Variants in MCTP1 observed in about 807,000 individuals in gnomAD.
MCTP1 encodes the protein multiple C2 and transmembrane domain-containing protein 1.
MCTP1 carries 69 observed loss-of-function variants against 120.6 expected under a neutral mutation model. The observed-to-expected ratio is 0.57, with a 90% CI of 0.47 to 0.70. The LOEUF (loss-of-function observed/expected upper bound fraction) is 0.70, where lower values mean the gene tolerates loss of function less well. MCTP1 is among the 30% of genes least tolerant of loss of function. The pLI is 0.00. For missense variants in MCTP1, 1,203 were observed against 1,248.8 expected (o/e 0.96, Z 0.55); for synonymous variants, 529 against 493.1 (o/e 1.07, Z -0.96).
chr5:94,962,380 A>G (rs1346803430), intron 2 of MCTP1, among the ~76,000 whole-genome samples: 1 of 151,748 alleles, frequency 6.6e-6, no homozygotes, highest in African/African-American at 2.4e-5. Flanking sequence ...TATCGCAGAA[A>G]TGTGGAACCA....
intron 1 of MCTP1, among the ~76,000 whole-genome samples, chr5:95,175,624 A>G (rs1309373447): frequency 6.6e-6 from 1 of 152,226 alleles, no homozygotes; most frequent in Non-Finnish European, 1.5e-5. Flanking sequence ...AAAGCATTCT[A>G]AAGGATGGCT....
chr5:95,083,865 G>A lies in MCTP1; in HGVS notation c.721-66381C>T, dbSNP rs140128347. Reference sequence around the variant, plus strand: ...GTAAGGAACCATAAACGGTGGAAGCGTTAAATAAATAATGGGTTAATCATA... The same window carrying A: ...GTAAGGAACCATAAACGGTGGAAGCATTAAATAAATAATGGGTTAATCATA... On this transcript the variant is annotated intron_variant, in intron 1 of 22. Coordinates refer to ENST00000515393, the MANE Select transcript of MCTP1 (RefSeq NM_024717.7). Among the ~76,000 whole-genome samples, 638 of 152,128 alleles carry A rather than the reference G, an allele frequency of 4.2e-3. 8 individuals are homozygous for A. The highest frequency in any genetic ancestry group is 0.015 in the African/African-American group (607 of 41,494).
At chr5:94,729,889 A>C (rs556227707) in intron 19 of MCTP1, among the ~76,000 whole-genome samples, 15 of 152,334 alleles carry the variant, frequency 9.8e-5, no homozygotes, top group African/African-American at 3.6e-4. Context: ...AGAACATTAC[A>C]TTTTGTTTAC....
At chr5:94,963,465 A>C in intron 2 of MCTP1, among the ~76,000 whole-genome samples, 1 of 135,122 alleles carries the variant, frequency 7.4e-6, no homozygotes. Flanking sequence ...CCTGTCCAAC[A>C]CTTGTTTTCT....
At chr5:95,095,214 G>A (rs1236959786) in intron 1 of MCTP1, among the ~76,000 whole-genome samples, 2 of 150,774 alleles carry the variant, frequency 1.3e-5, no homozygotes, top group African/African-American at 2.4e-5. Flanking sequence ...TAGTAGAGAC[G>A]GGGTTTCACC....
chr5:95,186,034 T>C (rs1245624971), intron 1 of MCTP1, among the ~76,000 whole-genome samples: 2 of 151,690 alleles, frequency 1.3e-5, no homozygotes, highest in African/African-American at 2.4e-5. Context: ...GAGGCAGAGG[T>C]TGCAGTGAGC....
intron 3 of MCTP1, among the ~76,000 whole-genome samples, chr5:94,944,090 AAATTT>A (rs1418657003): frequency 2.0e-5 from 3 of 152,096 alleles, no homozygotes; most frequent in African/African-American, 7.2e-5. Flanking sequence ...CAATTTAAGA[AAATTT>A]AATATGTAAA....
Position 95,284,610 on chromosome 5 carries a change from C to T in MCTP1, c.-35G>A. On this transcript the variant is annotated 5_prime_UTR_variant, in exon 1 of 23. Coordinates refer to ENST00000515393, the MANE Select transcript of MCTP1 (RefSeq NM_024717.7). The surrounding 1 kb of genome is among the most constrained non-coding windows in gnomAD (Gnocchi z 5.2). ...CCTGCTCCTCCTCTCCCCTCCTCCTCCTCCTCCTCCTCCTGCTTCTCCTCC... is the reference window on the plus strand; with the variant it reads ...CCTGCTCCTCCTCTCCCCTCCTCCTTCTCCTCCTCCTCCTGCTTCTCCTCC... 3 of 1,354,244 alleles carry T rather than the reference C, an allele frequency of 2.2e-6. No individual in the cohort carries two copies. Among genetic ancestry groups the T allele is most frequent in the Non-Finnish European group, 9.5e-7 (1 of 1,047,966 alleles). The allele number at this position is 1,354,244 out of a possible 1,614,324, so 83.9% of individuals were successfully genotyped here. A position where few individuals can be genotyped will look rare whatever the true frequency, so the allele number is the denominator to read the frequency against.
At chr5:94,932,964 A>T (rs1340792417) in intron 5 of MCTP1, among the ~76,000 whole-genome samples, 1 of 151,998 alleles carries the variant, frequency 6.6e-6, no homozygotes, top group African/African-American at 2.4e-5. Flanking sequence ...AAAGATTTTT[A>T]ATATAAGATG....
At chr5:95,133,172 G>T (rs996808739) in intron 1 of MCTP1, among the ~76,000 whole-genome samples, 7 of 152,084 alleles carry the variant, frequency 4.6e-5, no homozygotes, top group African/African-American at 1.7e-4. Context: ...AAAAATATTG[G>T]TATAACTTTT....
At chr5:95,147,280 G>T (rs1190452142) in intron 1 of MCTP1, among the ~76,000 whole-genome samples, 2 of 151,986 alleles carry the variant, frequency 1.3e-5, no homozygotes, top group Non-Finnish European at 2.9e-5. Context: ...TAGAGACAGG[G>T]TTTCACTGTG....
Position 94,884,249 on chromosome 5 carries a change from C to T in MCTP1, c.1933+4630G>A, listed in dbSNP as rs17084199. Among the ~76,000 whole-genome samples, 638 of 152,242 alleles carry T rather than the reference C, an allele frequency of 4.2e-3. 16 individuals carry two copies. Among genetic ancestry groups the T allele is most frequent in the Admixed American group, 0.033 (511 of 15,292 alleles). ...TTTGCTTCTTAGCTGATATTTACCA[C>T]GCAATTCTGTGAGAAAGTAGAGGCC... On this transcript the variant is annotated intron_variant, in intron 12 of 22. Coordinates refer to ENST00000515393, the MANE Select transcript of MCTP1 (RefSeq NM_024717.7).
intron 1 of MCTP1, among the ~76,000 whole-genome samples, chr5:95,201,595 C>T (rs954708446): frequency 5.6e-5 from 8 of 142,688 alleles, no homozygotes; most frequent in African/African-American, 2.1e-4. Flanking sequence ...GCCTCTGCCT[C>T]CCAGGTTCAG....
chr5:95,058,942 C>T (rs1748176235), intron 1 of MCTP1, among the ~76,000 whole-genome samples: 2 of 152,120 alleles, frequency 1.3e-5, no homozygotes, highest in Admixed American at 1.3e-4. Flanking sequence ...TGTCCAGGAC[C>T]ACCCTTTTCA....
At chr5:94,805,365 G>A (rs1407616542) in intron 17 of MCTP1, among the ~76,000 whole-genome samples, 2 of 152,098 alleles carry the variant, frequency 1.3e-5, no homozygotes, top group Non-Finnish European at 2.9e-5. Flanking sequence ...TGTGGCTCAT[G>A]CCTGTAATCC....
intron 19 of MCTP1, among the ~76,000 whole-genome samples, chr5:94,777,636 T>A (rs1048296245): frequency 6.6e-6 from 1 of 152,108 alleles, no homozygotes; most frequent in African/African-American, 2.4e-5. Context: ...AGCTCAGTGT[T>A]TATCAGCAGA....
At chr5:95,231,184 AT>A (rs1754897749) in intron 1 of MCTP1, among the ~76,000 whole-genome samples, 1 of 152,192 alleles carries the variant, frequency 6.6e-6, no homozygotes. Flanking sequence ...ATGTAGGGCC[AT>A]TTAGTGCATA....
chr5:95,240,148 C>G (rs1240958453), intron 1 of MCTP1, among the ~76,000 whole-genome samples: 1 of 152,142 alleles, frequency 6.6e-6, no homozygotes, highest in Non-Finnish European at 1.5e-5. Context: ...ATATAGTTAA[C>G]TAGCGAAATC....
rs61185942 is a variant in MCTP1 at position 95,284,600 on chromosome 5, CCCTCCTCCT to C, written c.-34_-26del. 39 of 1,372,334 alleles carry C rather than the reference CCCTCCTCCT, an allele frequency of 2.8e-5. No individual in the cohort carries two copies. Among genetic ancestry groups the C allele is most frequent in the Non-Finnish European group, 3.5e-5 (37 of 1,064,394 alleles). The allele number at this position is 1,372,334 out of a possible 1,614,324, so 85.0% of individuals were successfully genotyped here. On this transcript the variant is annotated 5_prime_UTR_variant, in exon 1 of 23. Transcript: ENST00000515393. The surrounding 1 kb of genome is among the most constrained non-coding windows in gnomAD (Gnocchi z 5.2). ...TCCTCCACCCCCTGCTCCTCCTCTCCCCTCCTCCTCCTCCTCCTCCTCCTGCTTCTCCTC... is the reference window on the plus strand; with the variant it reads ...TCCTCCACCCCCTGCTCCTCCTCTCCCCTCCTCCTCCTCCTGCTTCTCCTC...
Sources: gnomAD v4.1 joint callset for allele counts (sites outside exome capture counted in the v4.1 genomes callset) on GRCh38, gnomAD v4.1.1 for gene constraint, Gnocchi (gnomAD v3.1) non-coding constraint, MANE v1.5 for transcripts, NCBI Gene and HGNC (gene_info 2026-07-23, HGNC 2026-07-21) for gene names.